ATF6: variants seen among roughly 807,000 people sequenced by gnomAD.
ATF6 encodes the protein cyclic AMP-dependent transcription factor ATF-6 alpha.
ATF6 carries 53 observed loss-of-function variants against 83.6 expected under a neutral mutation model. That is an observed-to-expected ratio of 0.63 (90% CI 0.51 to 0.80). The LOEUF (loss-of-function observed/expected upper bound fraction) is 0.80. ATF6 is among the 30% of genes least tolerant of loss of function. The probability of loss-of-function intolerance (pLI) is 0.00; values close to 1 mark genes in which losing one functional copy is unlikely to be tolerated. For missense variants in ATF6, 744 were observed against 797.9 expected (o/e 0.93, Z 0.81); for synonymous variants, 288 against 285.8 (o/e 1.01, Z -0.08).
At chr1:161,812,969 C>T (rs746097630) in intron 7 of ATF6, among the ~76,000 whole-genome samples, 6 of 152,088 alleles carry the variant, frequency 3.9e-5, no homozygotes, top group Non-Finnish European at 7.4e-5. Context: ...CTGGTCTTCT[C>T]CTAATCCAGT....
chr1:161,901,195 A>T (rs1687779701), intron 14 of ATF6, among the ~76,000 whole-genome samples: 1 of 151,924 alleles, frequency 6.6e-6, no homozygotes, highest in African/African-American at 2.4e-5. Flanking sequence ...TTTGGGGTAG[A>T]TGTGCAGATT....
chr1:161,892,002 TAA>T (rs1374946024), intron 14 of ATF6: 1 of 152,252 alleles, frequency 6.6e-6, no homozygotes, highest in Non-Finnish European at 1.5e-5. Context: ...ACTTAAAAAC[TAA>T]ATCTTAAAGT....
At chr1:161,804,597 A>G (rs1302700141) in intron 7 of ATF6, among the ~76,000 whole-genome samples, 1 of 152,154 alleles carries the variant, frequency 6.6e-6, no homozygotes, top group Admixed American at 6.5e-5. Context: ...GGTGCAGGAA[A>G]AATATAGAAA....
intron 7 of ATF6, among the ~76,000 whole-genome samples, chr1:161,813,252 C>A (rs114105228): frequency 0.013 from 1,975 of 152,038 alleles, 46 homozygotes; most frequent in African/African-American, 0.044. Flanking sequence ...TCATGAGGGA[C>A]AAAGGTTTAG....
intron 6 of ATF6, among the ~76,000 whole-genome samples, chr1:161,797,566 A>G (rs181048299): frequency 1.8e-3 from 276 of 152,332 alleles, no homozygotes; most frequent in African/African-American, 6.3e-3. Flanking sequence ...AGTCTCATTC[A>G]CGATAGCCAA....
intron 10 of ATF6, among the ~76,000 whole-genome samples, chr1:161,851,049 C>T (rs551569886): frequency 3.9e-5 from 6 of 152,160 alleles, no homozygotes; most frequent in Admixed American, 1.3e-4. Context: ...TAGTGATTCA[C>T]ATTCTTCCAT....
chr1:161,872,656 A>G (rs1687144311), intron 14 of ATF6, among the ~76,000 whole-genome samples: 1 of 151,614 alleles, frequency 6.6e-6, no homozygotes, highest in Non-Finnish European at 1.5e-5. Flanking sequence ...CAGATGTTAT[A>G]GCGCTCCCTA....
intron 15 of ATF6, among the ~76,000 whole-genome samples, chr1:161,929,574 C>G (rs1225704309): frequency 6.6e-6 from 1 of 152,204 alleles, no homozygotes; most frequent in Non-Finnish European, 1.5e-5. Context: ...GAGGTCAGCT[C>G]TATCTCACAA....
chr1:161,841,455 G>A (rs1385661473), intron 9 of ATF6, among the ~76,000 whole-genome samples: 1 of 152,100 alleles, frequency 6.6e-6, no homozygotes, highest in Non-Finnish European at 1.5e-5. Flanking sequence ...TACAGGGAAT[G>A]TAGGCCAAAA....
At chr1:161,903,885 C>T (rs1687836958) in intron 14 of ATF6, among the ~76,000 whole-genome samples, 1 of 152,210 alleles carries the variant, frequency 6.6e-6, no homozygotes, top group South Asian at 2.1e-4. Flanking sequence ...CTATCTGCAT[C>T]AGAATCACCA....
intron 14 of ATF6, among the ~76,000 whole-genome samples, chr1:161,873,544 C>T (rs1687157042): frequency 6.6e-6 from 1 of 151,612 alleles, no homozygotes; most frequent in East Asian, 1.9e-4. Context: ...TAACTTTTGA[C>T]ACCATCAGCA....
intron 14 of ATF6, among the ~76,000 whole-genome samples, chr1:161,907,948 G>A (rs1351250428): frequency 6.6e-6 from 1 of 152,134 alleles, no homozygotes; most frequent in Non-Finnish European, 1.5e-5. Flanking sequence ...CAATCTGAGG[G>A]CAGACTATTA....
At position 161,791,532 on chromosome 1, in the gene ATF6, A is replaced by G; in HGVS notation, c.479A>G (p.Lys160Arg). The part of the protein sequence containing the change: ...EDKPVTGPRN[K>R]TENGLTPKKK... Reference sequence around the variant, plus strand: ...AAGCCTGTCACTGGTCCTAGGAACAAGACTGGTATTACTCTATCTCCTAAC... The same window carrying G: ...AAGCCTGTCACTGGTCCTAGGAACAGGACTGGTATTACTCTATCTCCTAAC... Residue 160 changes from lysine (K) to arginine (R), a missense_variant, in exon 5 of 16, where the codon AAG becomes AGG. Coordinates refer to ENST00000367942, the MANE Select transcript of ATF6 (RefSeq NM_007348.4). 1.9e-6 allele frequency: 3 copies of G among 1,607,674 alleles called. No homozygotes were observed. Among genetic ancestry groups the G allele is most frequent in the Non-Finnish European group, 2.5e-6 (3 of 1,178,780 alleles).
At chr1:161,850,729 G>C (rs894368278) in intron 10 of ATF6, among the ~76,000 whole-genome samples, 9 of 152,064 alleles carry the variant, frequency 5.9e-5, no homozygotes, top group African/African-American at 1.7e-4. Context: ...ACTATGTTCA[G>C]TTTTATATGT....
chr1:161,846,601 C>A (rs1296962472), intron 10 of ATF6, 21 bp downstream of exon 10: 2 of 1,581,264 alleles, frequency 1.3e-6, no homozygotes, highest in African/African-American at 2.7e-5. Context: ...ATGCATCTAT[C>A]TTTTGGCCTA....
chr1:161,784,127 G>C (rs1910480), intron 4 of ATF6, 31 bp downstream of exon 4: 139,201 of 1,485,998 alleles, frequency 0.094, 11,779 homozygotes, highest in Admixed American at 0.38. Context: ...AATGATTTTG[G>C]TTATAATATG....
chr1:161,878,168 C>T (rs1687255830), intron 14 of ATF6, among the ~76,000 whole-genome samples: 1 of 152,022 alleles, frequency 6.6e-6, no homozygotes, highest in African/African-American at 2.4e-5. Flanking sequence ...GGCTGGAGTG[C>T]AATGGTGTGA....
chr1:161,796,165 T>C (rs754485019), intron 6 of ATF6, among the ~76,000 whole-genome samples: 3 of 152,260 alleles, frequency 2.0e-5, no homozygotes, highest in Admixed American at 6.5e-5. Flanking sequence ...TTATTTTTCT[T>C]AATTAGTTTA....
intron 12 of ATF6, among the ~76,000 whole-genome samples, chr1:161,857,247 T>C (rs1686785862): frequency 6.6e-6 from 1 of 152,190 alleles, no homozygotes; most frequent in Non-Finnish European, 1.5e-5. Flanking sequence ...CAAACTCTTA[T>C]AAAATATTCT....
Sources: gnomAD v4.1 joint callset for allele counts (sites outside exome capture counted in the v4.1 genomes callset) on GRCh38, gnomAD v4.1.1 for gene constraint, MANE v1.5 for transcripts, NCBI Gene and HGNC (gene_info 2026-07-23, HGNC 2026-07-21) for gene names.